Variants in MARCHF1 observed in about 807,000 individuals in gnomAD.
MARCHF1 encodes E3 ubiquitin-protein ligase MARCHF1.
Under a neutral mutation model 54.2 loss-of-function variants are expected in MARCHF1, and 40 were observed. That is an observed-to-expected ratio of 0.74 (90% CI 0.57 to 0.96). MARCHF1 has a LOEUF of 0.96. Among genes scored for constraint, MARCHF1 ranks in the 40% least tolerant of loss-of-function variants. MARCHF1 has a pLI of 0.00. For synonymous variants in MARCHF1, 236 were observed against 236.3 expected, an observed-to-expected ratio of 1.00 and a Z score of 0.01; for missense variants, 586 against 656.5, an observed-to-expected ratio of 0.89 and a Z score of 1.17.
At chr4:163,792,900 T>A (rs973843324) in intron 4 of MARCHF1, among the ~76,000 whole-genome samples, 1 of 152,208 alleles carries the variant, frequency 6.6e-6, no homozygotes, top group South Asian at 2.1e-4. Context: ...AAGCTCTGAA[T>A]AGACCCAGGC....
intron 1 of MARCHF1, among the ~76,000 whole-genome samples, chr4:164,379,258 A>G (rs1561026061): frequency 6.6e-6 from 1 of 152,230 alleles, no homozygotes; most frequent in African/African-American, 2.4e-5. Context: ...GATGAGCAGT[A>G]TAACAGGCAT....
intron 3 of MARCHF1, among the ~76,000 whole-genome samples, chr4:163,926,772 G>A (rs1751547871): frequency 6.6e-6 from 1 of 151,424 alleles, no homozygotes. Context: ...AAGAAAAAGA[G>A]GAATGGATTA....
At chr4:163,636,419 G>A (rs372374691) in intron 5 of MARCHF1, among the ~76,000 whole-genome samples, 2 of 145,816 alleles carry the variant, frequency 1.4e-5, no homozygotes, top group East Asian at 2.0e-4. Context: ...AAATCAATGT[G>A]CAAAAATCAC....
intron 2 of MARCHF1, among the ~76,000 whole-genome samples, chr4:164,098,987 C>T (rs913381611): frequency 6.6e-6 from 1 of 152,194 alleles, no homozygotes; most frequent in African/African-American, 2.4e-5. Context: ...TTACCTTTTG[C>T]AGATTTATTA....
chr4:164,110,495 G>C (rs1335671236), intron 2 of MARCHF1, among the ~76,000 whole-genome samples: 1 of 151,608 alleles, frequency 6.6e-6, no homozygotes, highest in African/African-American at 2.4e-5. Context: ...TAACTCTTAA[G>C]TGTGTTCTTT....
At chr4:164,254,113 A>AT (rs1041910763) in intron 1 of MARCHF1, among the ~76,000 whole-genome samples, 46 of 151,684 alleles carry the variant, frequency 3.0e-4, no homozygotes, top group African/African-American at 1.1e-3. Context: ...TTTGTTATGA[A>AT]TTTTTTTTGA....
intron 2 of MARCHF1, among the ~76,000 whole-genome samples, chr4:164,077,960 G>C (rs1755014194): frequency 6.6e-6 from 1 of 152,210 alleles, no homozygotes; most frequent in Admixed American, 6.5e-5. Flanking sequence ...AACCATTGTG[G>C]AAGGCAGTGT....
chr4:163,927,779 A>G (rs772026454), intron 3 of MARCHF1, among the ~76,000 whole-genome samples: 14 of 151,838 alleles, frequency 9.2e-5, no homozygotes, highest in Non-Finnish European at 1.8e-4. Flanking sequence ...TCCATTTTAT[A>G]CAAATTCTAA....
At chr4:163,877,255 G>A (rs1044451292) in intron 3 of MARCHF1, among the ~76,000 whole-genome samples, 1 of 152,056 alleles carries the variant, frequency 6.6e-6, no homozygotes, top group Non-Finnish European at 1.5e-5. Context: ...AGTGACAGAG[G>A]TATCAGTGAT....
intron 1 of MARCHF1, among the ~76,000 whole-genome samples, chr4:164,298,289 G>T (rs1008300153): frequency 6.6e-6 from 1 of 151,886 alleles, no homozygotes; most frequent in Non-Finnish European, 1.5e-5. Context: ...CTGCATAACT[G>T]TTCTACAATG....
chr4:164,288,240 C>G (rs546415325), intron 1 of MARCHF1, among the ~76,000 whole-genome samples: 3 of 152,094 alleles, frequency 2.0e-5, no homozygotes, highest in Admixed American at 6.5e-5. Context: ...AGAAAAAAAT[C>G]TTACCGCAAA....
chr4:164,001,658 CTTG>C (rs1425966448), intron 2 of MARCHF1, among the ~76,000 whole-genome samples: 4 of 151,988 alleles, frequency 2.6e-5, no homozygotes, highest in South Asian at 2.1e-4. Context: ...AATTACTTGA[CTTG>C]TTGTAGAGAA....
At position 164,100,080 on chromosome 4, in the gene MARCHF1, T is replaced by C. The variant is rs550166150; in HGVS notation, c.-248+11508A>G. On this transcript the variant is annotated intron_variant, in intron 2 of 9. Coordinates refer to ENST00000514618, the MANE Select transcript of MARCHF1 (RefSeq NM_001394959.1). ...AAACTGAATTTTCCTTTTAAAGACT[T>C]CTAATTTTTACACTTATTCATTCAA... Among the ~76,000 whole-genome samples, 6 of 152,308 alleles carry C rather than the reference T, an allele frequency of 3.9e-5. No homozygotes were observed. The South Asian group carries it at 1.2e-3, about 32-fold the overall frequency.
At chr4:164,278,517 A>T (rs928121931) in intron 1 of MARCHF1, among the ~76,000 whole-genome samples, 1 of 152,222 alleles carries the variant, frequency 6.6e-6, no homozygotes, top group Non-Finnish European at 1.5e-5. Flanking sequence ...TTCTAAGTTA[A>T]ATGGTATAAT....
intron 3 of MARCHF1, among the ~76,000 whole-genome samples, chr4:163,909,907 T>C (rs908200195): frequency 1.3e-5 from 2 of 152,166 alleles, no homozygotes; most frequent in Non-Finnish European, 1.5e-5. Flanking sequence ...CAACAATCAG[T>C]ACATTGAGAA....
At chr4:163,642,530 T>C (rs916349650) in intron 5 of MARCHF1, among the ~76,000 whole-genome samples, 8 of 152,334 alleles carry the variant, frequency 5.3e-5, no homozygotes, top group Middle Eastern at 3.4e-3. Context: ...TCTAGTTGGC[T>C]TGATTGCATA....
chr4:164,312,879 G>A (rs752612653), intron 1 of MARCHF1, among the ~76,000 whole-genome samples: 4 of 152,028 alleles, frequency 2.6e-5, no homozygotes, highest in African/African-American at 7.2e-5. Flanking sequence ...GCCCTGTGCC[G>A]GCACTACCAA....
chr4:163,738,696 G>C (rs1746115505), intron 4 of MARCHF1, among the ~76,000 whole-genome samples: 1 of 152,156 alleles, frequency 6.6e-6, no homozygotes, highest in Admixed American at 6.5e-5. Flanking sequence ...ATGCAAAGCA[G>C]AACAGAATTT....
At chr4:164,016,856 C>T (rs1048990981) in intron 2 of MARCHF1, among the ~76,000 whole-genome samples, 2 of 151,866 alleles carry the variant, frequency 1.3e-5, no homozygotes, top group Admixed American at 6.6e-5. Context: ...TGATAGATAT[C>T]CCATTTACCC....
Sources: allele counts gnomAD v4.1 joint callset (sites outside exome capture counted in the v4.1 genomes callset), GRCh38; gene constraint gnomAD v4.1.1; transcripts MANE v1.5; gene names NCBI Gene and HGNC (gene_info 2026-07-23, HGNC 2026-07-21).